SPTB: variants seen among roughly 807,000 people sequenced by gnomAD.
SPTB encodes the protein spectrin beta chain, erythrocytic.
Under a neutral mutation model 256.2 loss-of-function variants are expected in SPTB, and 45 were observed. That is an observed-to-expected ratio of 0.18 (90% CI 0.14 to 0.23). SPTB has a LOEUF of 0.23. Ranked by LOEUF, SPTB falls within the 10% of genes least tolerant of loss-of-function variation. The pLI is 1.00. For missense variants in SPTB, 2,715 were observed against 3,040.4 expected (o/e 0.89, Z 2.52); for synonymous variants, 1,231 against 1,243.1 (o/e 0.99, Z 0.21).
At chr14:64,830,376 A>ATATTTT (rs1487281349) in intron 1 of SPTB, among the ~76,000 whole-genome samples, 1 of 32,066 alleles carries the variant, frequency 3.1e-5, no homozygotes, top group African/African-American at 2.2e-4. Context: ...TATTATTATT[A>ATATTTT]TTATTTTATT....
At chr14:64,875,481 T>C (rs1457972709) in intron 1 of SPTB, among the ~76,000 whole-genome samples, 1 of 152,250 alleles carries the variant, frequency 6.6e-6, no homozygotes, top group Non-Finnish European at 1.5e-5. Flanking sequence ...TTAATTCTCC[T>C]GACTGCCTCC....
Position 64,816,473 on chromosome 14 carries a change from T to C in SPTB, c.148+6474A>G, listed in dbSNP as rs533399532. 1.3e-5 allele frequency among the ~76,000 whole-genome samples: 2 copies of C among 152,266 alleles called. No individual in the cohort carries two copies. The highest frequency in any genetic ancestry group is 4.1e-4 in the South Asian group (2 of 4,826). On this transcript the variant is annotated intron_variant, in intron 2 of 35. Transcript: ENST00000644917. This position sits in a 1 kb window ranked among gnomAD's most constrained non-coding sequence, Gnocchi z 4.2. ...CCAACCCTGCACTCTGACTCAAACA[T>C]GCTTATCCCCTGAACTGAGAGCTGC...
intron 1 of SPTB, among the ~76,000 whole-genome samples, chr14:64,830,377 T>TTA (rs1457788390): frequency 3.8e-4 from 17 of 44,814 alleles, no homozygotes; most frequent in African/African-American, 2.8e-3. Context: ...ATTATTATTA[T>TTA]TATTTTATTT....
At chr14:64,756,208 C>T (rs2082015651) in intron 32 of SPTB, 1 of 152,248 alleles carries the variant, frequency 6.6e-6, no homozygotes, top group Non-Finnish European at 1.5e-5. Context: ...CTGCTGCTAC[C>T]TCACTCTTGC....
rs2082694093 is a variant in SPTB at position 64,792,690 on chromosome 14, T to C, written c.2666+307A>G. Among the ~76,000 whole-genome samples the C allele has an allele frequency of 6.6e-6, 1 of 152,196 alleles. No individual in the cohort carries two copies. The highest frequency in any genetic ancestry group is 1.5e-5 in the Non-Finnish European group (1 of 68,040). ...CTCCAGAGTAGCTCCATTTTTCCTCTGTGTGACCTGGGGGTTCCATACACA... is the reference window on the plus strand; with the variant it reads ...CTCCAGAGTAGCTCCATTTTTCCTCCGTGTGACCTGGGGGTTCCATACACA... On this transcript the variant is annotated intron_variant, in intron 14 of 35. Coordinates refer to ENST00000644917, the MANE Select transcript of SPTB (RefSeq NM_001355436.2). This position sits in a 1 kb window ranked among gnomAD's most constrained non-coding sequence, Gnocchi z 4.2.
rs765429128 is a variant in SPTB, at chr14:64,807,728, C to A, written c.149-2638G>T. 1.6e-4 allele frequency among the ~76,000 whole-genome samples: 25 copies of A among 152,370 alleles called. No individual in the cohort carries two copies. Among genetic ancestry groups the A allele is most frequent in the Non-Finnish European group, 3.1e-4 (21 of 68,040 alleles). ...TCCCGCACAGCCCAGATGCTCATCC[C>A]AAGCCTTCCAAGGGCAGGAGAGGCG... is the stretch of plus-strand genomic sequence containing the variant. On this transcript the variant is annotated intron_variant, in intron 2 of 35. Coordinates refer to ENST00000644917, the MANE Select transcript of SPTB (RefSeq NM_001355436.2). The surrounding 1 kb of genome is among the most constrained non-coding windows in gnomAD (Gnocchi z 4.7).
At chr14:64,804,255 G>A (rs2082941682) in intron 3 of SPTB, among the ~76,000 whole-genome samples, 1 of 152,234 alleles carries the variant, frequency 6.6e-6, no homozygotes, top group Non-Finnish European at 1.5e-5. Flanking sequence ...ACTCTCTCTA[G>A]TGGAATTTCA....
chr14:64,808,059 C>T (rs1342655162), intron 2 of SPTB, among the ~76,000 whole-genome samples: 1 of 152,260 alleles, frequency 6.6e-6, no homozygotes, highest in Non-Finnish European at 1.5e-5. Flanking sequence ...TGTTGCCAGG[C>T]TGGAGTGCAG....
At position 64,764,842 on chromosome 14, in the gene SPTB, C is replaced by G. The variant is rs2082142172; in HGVS notation, c.6345+1884G>C. 6.6e-6 allele frequency among the ~76,000 whole-genome samples: 1 copy of G among 152,118 alleles called. No homozygotes were observed. Among genetic ancestry groups the G allele is most frequent in the Admixed American group, 6.5e-5 (1 of 15,284 alleles). On this transcript the variant is annotated intron_variant, in intron 32 of 35. Coordinates refer to ENST00000644917, the MANE Select transcript of SPTB (RefSeq NM_001355436.2). The surrounding 1 kb of genome is among the most constrained non-coding windows in gnomAD (Gnocchi z 4.2). Reference sequence around the variant, plus strand: ...AGGGGCTGTTGCTGGGAAAAAGGGGCTGGGACACAGTCCACCACAGACAGG... The same window carrying G: ...AGGGGCTGTTGCTGGGAAAAAGGGGGTGGGACACAGTCCACCACAGACAGG...
intron 1 of SPTB, among the ~76,000 whole-genome samples, chr14:64,859,545 G>A (rs1217196740): frequency 6.6e-6 from 1 of 152,172 alleles, no homozygotes; most frequent in Non-Finnish European, 1.5e-5. Flanking sequence ...AGGAGTTTGA[G>A]ACCAGTCTGG....
chr14:64,787,797 G>A (rs993477588), intron 15 of SPTB, among the ~76,000 whole-genome samples: 2 of 152,314 alleles, frequency 1.3e-5, no homozygotes, highest in Admixed American at 6.5e-5. Flanking sequence ...AAGGTCTGGC[G>A]GATGCCTGGG....
chr14:64,845,082 CA>C lies in SPTB; in HGVS notation c.-51-21938del, dbSNP rs2083668045. ...GAGAAATGAAAGATCCAAAGTAATCCATAACCAAACCAGGCTAGACCGGCTA... is the reference window on the plus strand; with the variant it reads ...GAGAAATGAAAGATCCAAAGTAATCCTAACCAAACCAGGCTAGACCGGCTA... On this transcript the variant is annotated intron_variant, in intron 1 of 35. Transcript: ENST00000644917. This position sits in a 1 kb window ranked among gnomAD's most constrained non-coding sequence, Gnocchi z 4.8. 6.6e-6 allele frequency among the ~76,000 whole-genome samples: 1 copy of C among 152,152 alleles called. No individual in the cohort carries two copies.
chr14:64,752,569 A>T (rs992307418), intron 33 of SPTB, among the ~76,000 whole-genome samples: 45 of 152,260 alleles, frequency 3.0e-4, no homozygotes, highest in African/African-American at 1.1e-3. Context: ...CTTGGAAAAT[A>T]GAAACATCAA....
intron 8 of SPTB, 112 bp downstream of exon 8, chr14:64,800,644 G>T: frequency 1.1e-6 from 1 of 913,678 alleles, no homozygotes; most frequent in South Asian, 1.4e-5. Flanking sequence ...GAGGAAGTTG[G>T]GGGGTGGGTG....
intron 1 of SPTB, among the ~76,000 whole-genome samples, chr14:64,859,694 G>GTCTC (rs139838497): frequency 1.3e-4 from 7 of 52,890 alleles, no homozygotes; most frequent in Non-Finnish European, 3.4e-4. Context: ...CTCTCTCTCT[G>GTCTC]TCTCTCTCTC....
At chr14:64,857,840 A>G (rs1269105679) in intron 1 of SPTB, among the ~76,000 whole-genome samples, 2 of 152,170 alleles carry the variant, frequency 1.3e-5, no homozygotes, top group Admixed American at 6.5e-5. Context: ...GGATACATCA[A>G]TTCTTTGATC....
Position 64,792,636 on chromosome 14 carries a change from T to C in SPTB, c.2666+361A>G, listed in dbSNP as rs1314373377. Among the ~76,000 whole-genome samples, 3 of 152,204 alleles carry C rather than the reference T, an allele frequency of 2.0e-5. No homozygotes were observed. Among genetic ancestry groups the C allele is most frequent in the Admixed American group, 2.0e-4 (3 of 15,288 alleles). ...AAGGACTGCCACAGAAAGCTAGAGC[T>C]GGCAGGGTCCTGGCCTCTCAACCTC... On this transcript the variant is annotated intron_variant, in intron 14 of 35. Coordinates refer to ENST00000644917, the MANE Select transcript of SPTB (RefSeq NM_001355436.2). This position sits in a 1 kb window ranked among gnomAD's most constrained non-coding sequence, Gnocchi z 4.2.
intron 2 of SPTB, among the ~76,000 whole-genome samples, chr14:64,819,512 G>A (rs1360574289): frequency 6.6e-6 from 1 of 152,126 alleles, no homozygotes; most frequent in Non-Finnish European, 1.5e-5. Flanking sequence ...CGGAGACACA[G>A]CCAGGGTCGT....
In SPTB at chr14:64,774,424, C is replaced by T. The variant is rs766992918; in HGVS notation, c.4946G>A (p.Gly1649Asp). The part of the protein sequence containing the change: ...NIKQLASRAQ[G>D]LLSAGHPEGE... ...CTCAGGGTGGCCTGCAGACAGCAGG[C>T]CCTGGGCCCGGCTGGCCAGCTGCTT... The change falls in exon 24 of 36, where the codon GGC (glycine) becomes GAC (aspartate). Residue 1649 changes from glycine to aspartate, a missense_variant. Physicochemically the swap from Gly to Asp is moderately conservative, Grantham distance 94 (BLOSUM62 -1). Coordinates refer to ENST00000644917, the MANE Select transcript of SPTB (RefSeq NM_001355436.2). The T allele has an allele frequency of 1.5e-5, 23 of 1,580,252 alleles. No homozygotes were observed. The Admixed American group carries it at 2.9e-4, about 20-fold the overall frequency.
Sources: allele counts gnomAD v4.1 joint callset (sites outside exome capture counted in the v4.1 genomes callset), GRCh38; gene constraint gnomAD v4.1.1; non-coding constraint Gnocchi (gnomAD v3.1); transcripts MANE v1.5; gene names NCBI Gene and HGNC (gene_info 2026-07-23, HGNC 2026-07-21).